The following GPATCH2 variants were observed in gnomAD, a reference collection of about 807,000 sequenced individuals.
The protein encoded by GPATCH2 is G patch domain-containing protein 2.
A neutral mutation model predicts 58.0 loss-of-function variants in GPATCH2; 51 were observed. The ratio of observed to expected loss-of-function variants is 0.88; its 90% CI spans 0.70 to 1.11. GPATCH2 has a LOEUF of 1.11. GPATCH2 is among the 50% of genes most tolerant of loss of function. The pLI is 0.00. For missense variants in GPATCH2, 625 were observed against 652.2 expected (o/e 0.96, Z 0.45); for synonymous variants, 222 against 218.5 (o/e 1.02, Z -0.14).
intron 9 of GPATCH2, among the ~76,000 whole-genome samples, chr1:217,441,919 T>C (rs1429427716): frequency 6.6e-6 from 1 of 152,184 alleles, no homozygotes; most frequent in African/African-American, 2.4e-5. Context: ...TCAACCATTG[T>C]GGAAGACAGT....
intron 2 of GPATCH2, 43 bp downstream of exon 2, chr1:217,619,740 A>G (rs1437370131): frequency 1.4e-6 from 1 of 736,240 alleles, no homozygotes; most frequent in Non-Finnish European, 2.1e-6. Flanking sequence ...AACCACAAAC[A>G]CTGGAGATAA....
At chr1:217,498,073 G>A (rs1662098683) in intron 7 of GPATCH2, 11 of 535,018 alleles carry the variant, frequency 2.1e-5, no homozygotes, top group Admixed American at 1.3e-4. Context: ...GAAAAATAAA[G>A]ATCAATAGTG....
intron 6 of GPATCH2, among the ~76,000 whole-genome samples, chr1:217,500,626 C>T (rs1188165190): frequency 6.6e-6 from 1 of 152,078 alleles, no homozygotes; most frequent in Non-Finnish European, 1.5e-5. Flanking sequence ...ATCTGGATTT[C>T]TTTCCTCTGG....
At chr1:217,589,335 T>G (rs1265207786) in intron 5 of GPATCH2, among the ~76,000 whole-genome samples, 1 of 151,852 alleles carries the variant, frequency 6.6e-6, no homozygotes, top group Admixed American at 6.6e-5. Context: ...ATGACCTAAG[T>G]GCCTGCTCAT....
chr1:217,551,109 C>T (rs1665337574), intron 5 of GPATCH2, among the ~76,000 whole-genome samples: 1 of 150,952 alleles, frequency 6.6e-6, no homozygotes. Context: ...AACAAGAATT[C>T]TTCAGAAATC....
intron 8 of GPATCH2, among the ~76,000 whole-genome samples, chr1:217,470,689 T>C (rs1660686853): frequency 6.6e-6 from 1 of 152,162 alleles, no homozygotes; most frequent in African/African-American, 2.4e-5. Flanking sequence ...TACAATACAA[T>C]AATTTGGTTA....
chr1:217,616,278 T>A (rs1017669640), intron 2 of GPATCH2, among the ~76,000 whole-genome samples: 4 of 152,044 alleles, frequency 2.6e-5, no homozygotes, highest in Non-Finnish European at 5.9e-5. Flanking sequence ...TATAGAACAG[T>A]CTTCTATTTA....
At chr1:217,540,098 T>G (rs1442012884) in intron 5 of GPATCH2, among the ~76,000 whole-genome samples, 1 of 152,178 alleles carries the variant, frequency 6.6e-6, no homozygotes, top group Non-Finnish European at 1.5e-5. Flanking sequence ...TTTTGGAAGG[T>G]TAGGCAATAT....
At chr1:217,438,524 T>C (rs897291329) in intron 9 of GPATCH2, among the ~76,000 whole-genome samples, 14 of 151,938 alleles carry the variant, frequency 9.2e-5, no homozygotes, top group African/African-American at 3.4e-4. Flanking sequence ...AGAACATAAA[T>C]AACCTGATGA....
At chr1:217,483,530 G>A (rs1661311962) in intron 8 of GPATCH2, among the ~76,000 whole-genome samples, 1 of 152,106 alleles carries the variant, frequency 6.6e-6, no homozygotes. Flanking sequence ...TATCACCCAG[G>A]CTGGAGTGCA....
chr1:217,626,641 TC>T (rs1245837999), intron 1 of GPATCH2, among the ~76,000 whole-genome samples: 1 of 152,198 alleles, frequency 6.6e-6, no homozygotes, highest in Non-Finnish European at 1.5e-5. Flanking sequence ...TATATTTCCC[TC>T]CTCAATGGGA....
intron 8 of GPATCH2, among the ~76,000 whole-genome samples, chr1:217,490,183 C>T (rs1322063365): frequency 3.9e-5 from 6 of 152,150 alleles, no homozygotes; most frequent in African/African-American, 9.7e-5. Flanking sequence ...TTTCATGCAG[C>T]GCAATGAGGA....
chr1:217,606,078 CTG>C (rs960469409), intron 5 of GPATCH2, among the ~76,000 whole-genome samples: 40 of 151,980 alleles, frequency 2.6e-4, no homozygotes, highest in African/African-American at 9.4e-4. Flanking sequence ...TCTCAGGACT[CTG>C]TTTGCATGCA....
intron 3 of GPATCH2, among the ~76,000 whole-genome samples, chr1:217,612,989 A>C (rs1668703741): frequency 6.6e-6 from 1 of 152,156 alleles, no homozygotes; most frequent in Admixed American, 6.5e-5. Flanking sequence ...GCCTTTCCAT[A>C]CTTATCAAAG....
intron 8 of GPATCH2, among the ~76,000 whole-genome samples, chr1:217,455,839 C>T (rs1162690660): frequency 6.6e-6 from 1 of 151,916 alleles, no homozygotes; most frequent in Non-Finnish European, 1.5e-5. Flanking sequence ...ACCCCAGGCC[C>T]CAGGCTCCAG....
chr1:217,506,508 C>G (rs1224385248), intron 6 of GPATCH2, among the ~76,000 whole-genome samples: 1 of 152,164 alleles, frequency 6.6e-6, no homozygotes, highest in Non-Finnish European at 1.5e-5. Context: ...TAGGTAAGAA[C>G]AGATCTTGGT....
At position 217,552,130 on chromosome 1, in the gene GPATCH2, A is replaced by T. The variant is rs185338595; in HGVS notation, c.1099-37241T>A. Among the ~76,000 whole-genome samples, 335 of 152,210 alleles carry T rather than the reference A, an allele frequency of 2.2e-3. 1 individual carries two copies. Among genetic ancestry groups the T allele is most frequent in the Non-Finnish European group, 3.0e-3 (202 of 67,956 alleles). Reference sequence around the variant, plus strand: ...ATACTGACTGCCTTACCAACAAACCAACCTGATGTATATGAATAAAACCTT... The same window carrying T: ...ATACTGACTGCCTTACCAACAAACCTACCTGATGTATATGAATAAAACCTT... On this transcript the variant is annotated intron_variant, in intron 5 of 9. Transcript: ENST00000366935.
chr1:217,455,456 T>C (rs183609453), intron 8 of GPATCH2, among the ~76,000 whole-genome samples: 5 of 152,254 alleles, frequency 3.3e-5, no homozygotes, highest in African/African-American at 9.6e-5. Flanking sequence ...ACCCCTTAGA[T>C]AGAATGATCT....
chr1:217,610,785 G>GCATCTTTACATTAGAGAA, intron 4 of GPATCH2, 104 bp downstream of exon 4: 1 of 738,134 alleles, frequency 1.4e-6, no homozygotes, highest in Admixed American at 2.6e-5. Flanking sequence ...ACAGCATCTT[G>GCATCTTTACATTAGAGAA]TGTTTACATT....
Sources: gnomAD v4.1 joint callset for allele counts (sites outside exome capture counted in the v4.1 genomes callset) on GRCh38, gnomAD v4.1.1 for gene constraint, MANE v1.5 for transcripts, NCBI Gene and HGNC (gene_info 2026-07-23, HGNC 2026-07-21) for gene names.